NINL: variants seen among roughly 807,000 people sequenced by gnomAD.
The protein encoded by NINL is ninein like, also known as ninein-like protein.
In NINL, 153 loss-of-function variants were observed where a neutral mutation model predicts 160.3. The observed-to-expected ratio is 0.95, with a 90% CI of 0.84 to 1.09. The LOEUF is 1.09. NINL is among the 50% of genes least tolerant of loss of function. NINL has a pLI of 0.00. For missense variants in NINL, 1,829 were observed against 1,764.0 expected (o/e 1.04, Z -0.66); for synonymous variants, 800 against 734.8 (o/e 1.09, Z -1.43).
In NINL at chr20:25,554,636, C is replaced by CAAAACAAAACAAAACAA. The variant is rs1195606239; in HGVS notation, c.-11-28039_-11-28038insTTGTTTTGTTTTGTTTT. On this transcript the variant is annotated intron_variant, in intron 1 of 23. Coordinates refer to ENST00000278886, the MANE Select transcript of NINL (RefSeq NM_025176.6). The stretch of plus-strand genomic sequence containing the variant: ...CCCTGTTCTTTACCAAAAAAAAAAA[C>CAAAACAAAACAAAACAA]AAAAAAAAAAAAAAAAAAAAATTAG... 1.8e-3 allele frequency among the ~76,000 whole-genome samples: 157 copies of CAAAACAAAACAAAACAA among 85,744 alleles called. 1 individual carries two copies. Among genetic ancestry groups the CAAAACAAAACAAAACAA allele is most frequent in the African/African-American group, 8.7e-3 (150 of 17,234 alleles). 56.3% of individuals were successfully genotyped at this position (85,744 alleles called of 152,430 possible). A position where few individuals can be genotyped will look rare whatever the true frequency, so the allele number is the denominator to read the frequency against.
chr20:25,544,811 T>C (rs1415029664), intron 1 of NINL, among the ~76,000 whole-genome samples: 1 of 152,252 alleles, frequency 6.6e-6, no homozygotes, highest in Non-Finnish European at 1.5e-5. Flanking sequence ...ACTTCTGGTT[T>C]CTGAGCACCC....
At chr20:25,509,218 C>A (rs1285501846) in intron 5 of NINL, among the ~76,000 whole-genome samples, 3 of 152,186 alleles carry the variant, frequency 2.0e-5, no homozygotes, top group Non-Finnish European at 2.9e-5. Flanking sequence ...AGCCGCCATG[C>A]TGTAAGGAAG....
At chr20:25,534,131 G>A (rs896705592) in intron 1 of NINL, among the ~76,000 whole-genome samples, 1 of 152,138 alleles carries the variant, frequency 6.6e-6, no homozygotes, top group East Asian at 1.9e-4. Context: ...ACACCTGCAC[G>A]TTAGCTCACT....
At chr20:25,541,365 C>T (rs2064659113) in intron 1 of NINL, among the ~76,000 whole-genome samples, 1 of 152,218 alleles carries the variant, frequency 6.6e-6, no homozygotes, top group Non-Finnish European at 1.5e-5. Context: ...ATAAATGTTA[C>T]CATGCCCCAT....
At chr20:25,524,815 C>A (rs1335954922) in intron 2 of NINL, among the ~76,000 whole-genome samples, 1 of 151,888 alleles carries the variant, frequency 6.6e-6, no homozygotes, top group African/African-American at 2.4e-5. Context: ...CCCAAAGTTA[C>A]TCTTTTGGTT....
chr20:25,547,347 C>A (rs538180004), intron 1 of NINL, among the ~76,000 whole-genome samples: 1 of 152,102 alleles, frequency 6.6e-6, no homozygotes, highest in Non-Finnish European at 1.5e-5. Flanking sequence ...CATAATAAAC[C>A]GGTAAACATT....
In NINL at chr20:25,512,847, A is replaced by T; in HGVS notation, c.437T>A (p.Leu146Gln). The T allele has an allele frequency of 6.2e-7, 1 of 1,613,322 alleles. No individual in the cohort carries two copies. Among genetic ancestry groups the T allele is most frequent in the Non-Finnish European group, 8.5e-7 (1 of 1,179,510 alleles). The stretch of plus-strand genomic sequence containing the variant: ...GGCCTGACCCACCTCCACGCTCTCC[A>T]GAGACGCTGAGCGCCAGAGGTGACT... ...LKSHLWRSAS[L>Q]ESVESPKSDE... is the part of the protein sequence containing the mutation. Residue 146 changes from leucine to glutamine, a missense_variant, in exon 4 of 24, where the codon CTG (leucine) becomes CAG (glutamine). By Grantham distance (113) the Leu-to-Gln change is moderately radical (BLOSUM62 -2). Transcript: ENST00000278886.
At chr20:25,513,247 C>T (rs571415036) in intron 3 of NINL, among the ~76,000 whole-genome samples, 2 of 152,344 alleles carry the variant, frequency 1.3e-5, no homozygotes, top group East Asian at 3.9e-4. Context: ...CCCCTAAACT[C>T]TGTATGCTAT....
chr20:25,481,528 C>A (rs1431540501), intron 14 of NINL, among the ~76,000 whole-genome samples: 1 of 152,206 alleles, frequency 6.6e-6, no homozygotes, highest in Admixed American at 6.5e-5. Flanking sequence ...CTTGGTGCCT[C>A]CCTGCCTCAG....
At chr20:25,563,170 T>C (rs2064964439) in intron 1 of NINL, among the ~76,000 whole-genome samples, 1 of 152,074 alleles carries the variant, frequency 6.6e-6, no homozygotes, top group Admixed American at 6.6e-5. Flanking sequence ...CATCTCAAAA[T>C]GACTAAGAGC....
chr20:25,489,496 C>CACAAG (rs1352362446), intron 12 of NINL, among the ~76,000 whole-genome samples, 172 bp from the exon 13 acceptor site: 1 of 151,892 alleles, frequency 6.6e-6, no homozygotes, highest in Non-Finnish European at 1.5e-5. Flanking sequence ...TCTAGAAGGT[C>CACAAG]ACAAGACAGA....
intron 5 of NINL, among the ~76,000 whole-genome samples, chr20:25,510,171 T>C (rs1483601431): frequency 1.3e-5 from 2 of 152,270 alleles, no homozygotes; most frequent in South Asian, 2.1e-4. Context: ...CTGGCTGCTA[T>C]GTAAGGCTCT....
chr20:25,495,238 C>A (rs1451801384), intron 10 of NINL, among the ~76,000 whole-genome samples: 7 of 152,208 alleles, frequency 4.6e-5, no homozygotes, highest in Non-Finnish European at 8.8e-5. Context: ...CAGGCTTCAG[C>A]CCGCAGTGCA....
intron 19 of NINL, among the ~76,000 whole-genome samples, chr20:25,466,755 G>A (rs562654136): frequency 3.3e-5 from 5 of 152,084 alleles, no homozygotes; most frequent in African/African-American, 9.6e-5. Flanking sequence ...AGCCAAGATC[G>A]CACCACTGCA....
intron 1 of NINL, among the ~76,000 whole-genome samples, chr20:25,548,632 T>C (rs1367345762): frequency 2.2e-5 from 3 of 135,500 alleles, no homozygotes; most frequent in Non-Finnish European, 3.1e-5. Flanking sequence ...CGGCCACACG[T>C]CCCACACCCA....
intron 1 of NINL, among the ~76,000 whole-genome samples, chr20:25,582,213 C>T (rs980931728): frequency 2.0e-5 from 3 of 152,168 alleles, no homozygotes; most frequent in Admixed American, 6.5e-5. Flanking sequence ...CGAGATCGCG[C>T]CACTGCACTC....
intron 13 of NINL, among the ~76,000 whole-genome samples, chr20:25,486,702 G>T (rs866366749): frequency 7.2e-5 from 11 of 152,192 alleles, no homozygotes; most frequent in Non-Finnish European, 1.3e-4. Flanking sequence ...ACAGGAAGGG[G>T]TAATCACAGC....
At position 25,561,831 on chromosome 20, in the gene NINL, G is replaced by A. The variant is rs568126800; in HGVS notation, c.-12+23624C>T. Among the ~76,000 whole-genome samples the A allele has an allele frequency of 2.0e-3, 303 of 151,682 alleles. 3 individuals are homozygous for A. Among genetic ancestry groups the A allele is most frequent in the African/African-American group, 4.4e-3 (181 of 41,330 alleles). On this transcript the variant is annotated intron_variant, in intron 1 of 23. Transcript: ENST00000278886. The stretch of plus-strand genomic sequence containing the variant: ...CATCTGAGAAGTGAGGAGCCCCTCC[G>A]CCCGGCTGCCACCCCGTCTGGGAAG...
chr20:25,503,196 TAAC>T (rs1358671170), intron 7 of NINL, among the ~76,000 whole-genome samples: 2 of 149,662 alleles, frequency 1.3e-5, no homozygotes, highest in Non-Finnish European at 3.0e-5. Context: ...CTGCCTCCTG[TAAC>T]CCCAGCAGGT....
Sources: allele counts gnomAD v4.1 joint callset (sites outside exome capture counted in the v4.1 genomes callset), GRCh38; gene constraint gnomAD v4.1.1; transcripts MANE v1.5; gene names NCBI Gene and HGNC (gene_info 2026-07-23, HGNC 2026-07-21).